PRKG1: variants seen among roughly 807,000 people sequenced by gnomAD.
The protein encoded by PRKG1 is cGMP-dependent protein kinase 1.
PRKG1 carries 35 observed loss-of-function variants against 88.1 expected under a neutral mutation model. The ratio of observed to expected loss-of-function variants is 0.40; its 90% confidence interval spans 0.30 to 0.53. The LOEUF is 0.53. Among genes scored for constraint, PRKG1 ranks in the 20% least tolerant of loss-of-function variants. The probability of loss-of-function intolerance (pLI) is 0.59; values close to 1 mark genes in which losing one functional copy is unlikely to be tolerated. For missense variants in PRKG1, 540 were observed against 839.8 expected (o/e 0.64, Z 4.41); for synonymous variants, 303 against 292.5 (o/e 1.04, Z -0.37).
At chr10:51,105,259 A>G (rs866369270) in intron 1 of PRKG1, among the ~76,000 whole-genome samples, 1 of 152,236 alleles carries the variant, frequency 6.6e-6, no homozygotes, top group African/African-American at 2.4e-5. Flanking sequence ...AACATTCTGG[A>G]GCAAATAAAG....
intron 5 of PRKG1, among the ~76,000 whole-genome samples, chr10:52,023,109 T>C (rs1453602943): frequency 2.6e-5 from 4 of 152,114 alleles, no homozygotes; most frequent in Non-Finnish European, 5.9e-5. Flanking sequence ...ATGTTTCCTT[T>C]CCTGTGTCCA....
intron 2 of PRKG1, among the ~76,000 whole-genome samples, chr10:51,164,302 C>T (rs937657086): frequency 1.8e-4 from 27 of 152,272 alleles, no homozygotes; most frequent in African/African-American, 5.8e-4. Context: ...TGGAGTGGAC[C>T]GCTAGCAAAC....
At chr10:51,495,571 A>G (rs1840829307) in intron 3 of PRKG1, among the ~76,000 whole-genome samples, 1 of 152,228 alleles carries the variant, frequency 6.6e-6, no homozygotes, top group South Asian at 2.1e-4. Flanking sequence ...ATGGGTCTCA[A>G]GCAATATTTA....
At chr10:51,451,552 C>A (rs1839438626) in intron 2 of PRKG1, among the ~76,000 whole-genome samples, 1 of 151,888 alleles carries the variant, frequency 6.6e-6, no homozygotes, top group African/African-American at 2.4e-5. Flanking sequence ...ACACACATAG[C>A]TAGCAATATG....
chr10:51,071,419 A>G (rs1843824677), upstream of PRKG1, among the ~76,000 whole-genome samples: 1 of 152,216 alleles, frequency 6.6e-6, no homozygotes, highest in African/African-American at 2.4e-5. Context: ...AAAAAATAAC[A>G]CAGCCTGAGA....
At chr10:51,821,028 G>C (rs1289168127) in intron 4 of PRKG1, among the ~76,000 whole-genome samples, 1 of 152,108 alleles carries the variant, frequency 6.6e-6, no homozygotes, top group Non-Finnish European at 1.5e-5. Context: ...CTCTGCCAAA[G>C]GTAACCACTA....
Position 51,697,822 on chromosome 10 carries a change from C to T in PRKG1, c.593-106763C>T, listed in dbSNP as rs1479773476. On this transcript the variant is annotated intron_variant, in intron 3 of 17. Transcript: ENST00000373980. ...GAAGAACCTGCATGATCAAAGCTGC[C>T]TTCTCCTGATCCTGTGGAGTGACCT... is the stretch of plus-strand genomic sequence containing the variant. 4 of 1,614,050 alleles carry T rather than the reference C, an allele frequency of 2.5e-6. No individual in the cohort carries two copies. In the African/African-American group the frequency reaches 5.3e-5, roughly 22 times the overall value.
At chr10:51,562,384 A>G (rs920236318) in intron 3 of PRKG1, among the ~76,000 whole-genome samples, 3 of 152,152 alleles carry the variant, frequency 2.0e-5, no homozygotes, top group African/African-American at 7.2e-5. Context: ...CATTAAAATG[A>G]ATTATCTTAC....
intron 3 of PRKG1, among the ~76,000 whole-genome samples, chr10:51,729,164 G>A (rs1407604701): frequency 6.6e-6 from 1 of 152,178 alleles, no homozygotes; most frequent in Non-Finnish European, 1.5e-5. Flanking sequence ...CAGCTAGGCA[G>A]TTGTGAACTG....
In PRKG1 at chr10:52,027,618, T is replaced by C. The variant is rs571377675; in HGVS notation, c.763-26866T>C. ...TGGTGAGCATGGGATAAGGAGGTAA[T>C]AATTCAGTCAGCCTTTGCAATGACA... On this transcript the variant is annotated intron_variant, in intron 5 of 17. Transcript: ENST00000373980. Among the ~76,000 whole-genome samples the C allele has an allele frequency of 1.5e-4, 23 of 152,268 alleles. No homozygotes were observed. The South Asian group carries it at 4.6e-3, about 30-fold the overall frequency.
At position 51,758,662 on chromosome 10, in the gene PRKG1, A is replaced by C. The variant is rs374422591; in HGVS notation, c.593-45923A>C. The stretch of plus-strand genomic sequence containing the variant: ...TGCCTCATTAGCATCTTAAATCTCT[A>C]CCCAGGCCTGTGATTTTTTTTTTAA... On this transcript the variant is annotated intron_variant, in intron 3 of 17. Transcript: ENST00000373980. 1.8e-3 allele frequency among the ~76,000 whole-genome samples: 270 copies of C among 151,034 alleles called. 3 individuals carry two copies. Among genetic ancestry groups the C allele is most frequent in the South Asian group, 0.013 (63 of 4,786 alleles).
intron 8 of PRKG1, among the ~76,000 whole-genome samples, chr10:52,158,100 AGTTTAGCAT>A (rs1838175199): frequency 1.3e-5 from 2 of 151,784 alleles, no homozygotes; most frequent in Non-Finnish European, 3.0e-5. Context: ...TCCGAAATTA[AGTTTAGCAT>A]GTAGAAATTT....
intron 2 of PRKG1, among the ~76,000 whole-genome samples, chr10:51,466,020 C>T (rs1197696073): frequency 6.6e-6 from 1 of 151,976 alleles, no homozygotes; most frequent in Non-Finnish European, 1.5e-5. Context: ...GCAATTTGCC[C>T]AAGGTCATAA....
chr10:51,153,880 T>C (rs998253090), intron 2 of PRKG1, among the ~76,000 whole-genome samples: 6 of 152,046 alleles, frequency 3.9e-5, no homozygotes, highest in Admixed American at 3.9e-4. Flanking sequence ...ATATAGAAAG[T>C]GTTTTGAAAA....
intron 2 of PRKG1, among the ~76,000 whole-genome samples, chr10:51,383,159 C>T (rs574638169): frequency 5.9e-5 from 9 of 152,216 alleles, no homozygotes; most frequent in African/African-American, 1.7e-4. Flanking sequence ...CCCTGAACAA[C>T]ACCAAAGTCT....
At chr10:51,544,751 A>T (rs1842404224) in intron 3 of PRKG1, among the ~76,000 whole-genome samples, 1 of 152,086 alleles carries the variant, frequency 6.6e-6, no homozygotes, top group African/African-American at 2.4e-5. Context: ...CGCCATTCTA[A>T]CTGATGGGAG....
At chr10:51,511,388 A>G (rs534020012) in intron 3 of PRKG1, among the ~76,000 whole-genome samples, 3 of 152,320 alleles carry the variant, frequency 2.0e-5, no homozygotes, top group East Asian at 1.9e-4. Context: ...AGAAGTCACA[A>G]TTAAAATGAA....
intron 3 of PRKG1, among the ~76,000 whole-genome samples, chr10:51,586,733 A>G (rs1438984794): frequency 6.6e-6 from 1 of 152,130 alleles, no homozygotes; most frequent in Non-Finnish European, 1.5e-5. Context: ...TATTTTTCCT[A>G]CTGTCTGATA....
intron 9 of PRKG1, among the ~76,000 whole-genome samples, chr10:52,174,603 A>G (rs1474593932): frequency 6.6e-6 from 1 of 152,086 alleles, no homozygotes; most frequent in Non-Finnish European, 1.5e-5. Flanking sequence ...AGCATTAAAA[A>G]TAATTGCATT....
Sources: gnomAD v4.1 joint callset for allele counts (sites outside exome capture counted in the v4.1 genomes callset) on GRCh38, gnomAD v4.1.1 for gene constraint, MANE v1.5 for transcripts, NCBI Gene and HGNC (gene_info 2026-07-23, HGNC 2026-07-21) for gene names.